Variants in SLCO3A1 observed in about 807,000 individuals in gnomAD.
The protein encoded by SLCO3A1 is PGE1 transporter.
SLCO3A1 carries 27 observed loss-of-function variants against 63.1 expected under a neutral mutation model. The ratio of observed to expected loss-of-function variants is 0.43; its 90% CI spans 0.32 to 0.59. The LOEUF is 0.59. SLCO3A1 is among the 20% of genes least tolerant of loss of function. The pLI is 0.09. For missense variants in SLCO3A1, 773 were observed against 945.8 expected (o/e 0.82, Z 2.40); for synonymous variants, 473 against 409.9 (o/e 1.15, Z -1.86).
At chr15:91,866,668 G>C (rs1897174023) in intron 1 of SLCO3A1, among the ~76,000 whole-genome samples, 1 of 151,824 alleles carries the variant, frequency 6.6e-6, no homozygotes, top group African/African-American at 2.4e-5. Context: ...GAGCAATATA[G>C]AGTTGAGTAA....
intron 1 of SLCO3A1, among the ~76,000 whole-genome samples, chr15:91,903,942 G>C (rs1379735559): frequency 6.6e-6 from 1 of 151,018 alleles, no homozygotes; most frequent in African/African-American, 2.4e-5. Context: ...AGAGGGCAGG[G>C]GTGGAGCCGG....
intron 7 of SLCO3A1, among the ~76,000 whole-genome samples, chr15:92,139,569 A>G (rs1423770699): frequency 1.3e-5 from 2 of 151,870 alleles, no homozygotes; most frequent in East Asian, 3.9e-4. Flanking sequence ...TCCTCCTTGT[A>G]CCTCTGGTAG....
At position 91,999,427 on chromosome 15, in the gene SLCO3A1, G is replaced by A. The variant is rs138876179; in HGVS notation, c.646+82969G>A. On this transcript the variant is annotated intron_variant, in intron 2 of 9. Coordinates refer to ENST00000318445, the MANE Select transcript of SLCO3A1 (RefSeq NM_013272.4). ...AAAAAAGGCTATGCCATAGAAAAAT[G>A]GGTATAAAATAGGAAGAGGGAGAAA... Among the ~76,000 whole-genome samples, 34 of 152,306 alleles carry A rather than the reference G, an allele frequency of 2.2e-4. 1 individual carries two copies. The East Asian group carries it at 6.0e-3, about 27-fold the overall frequency.
At chr15:92,040,660 G>A (rs1470126989) in intron 2 of SLCO3A1, among the ~76,000 whole-genome samples, 2 of 152,122 alleles carry the variant, frequency 1.3e-5, no homozygotes, top group African/African-American at 2.4e-5. Context: ...AGCACGTGGT[G>A]TATACCTGGA....
intron 3 of SLCO3A1, among the ~76,000 whole-genome samples, chr15:92,100,646 A>G (rs1039865798): frequency 1.3e-5 from 2 of 152,236 alleles, no homozygotes; most frequent in Non-Finnish European, 2.9e-5. Flanking sequence ...ACTTTTATCT[A>G]AAACAATACT....
At chr15:91,943,145 C>T (rs959177904) in intron 2 of SLCO3A1, among the ~76,000 whole-genome samples, 4 of 152,180 alleles carry the variant, frequency 2.6e-5, no homozygotes, top group African/African-American at 9.7e-5. Context: ...AAGTGTGCAG[C>T]CTAGTAGTGT....
intron 2 of SLCO3A1, among the ~76,000 whole-genome samples, chr15:92,047,736 A>T (rs1003611758): frequency 2.1e-5 from 3 of 145,836 alleles, no homozygotes; most frequent in Admixed American, 7.4e-5. Context: ...TGTGATTCGA[A>T]TCGTTCATCC....
intron 1 of SLCO3A1, among the ~76,000 whole-genome samples, chr15:91,870,969 T>G (rs1597074518): frequency 1.3e-5 from 2 of 152,116 alleles, no homozygotes; most frequent in Non-Finnish European, 2.9e-5. Flanking sequence ...TTTTGGGGGG[T>G]ATCTTTCTCT....
intron 2 of SLCO3A1, among the ~76,000 whole-genome samples, chr15:92,020,187 T>C (rs7178228): frequency 0.15 from 22,094 of 152,082 alleles, 2,088 homozygotes; most frequent in South Asian, 0.36. Context: ...GTATATGCGA[T>C]GTGTGCATGT....
At chr15:92,054,964 C>A (rs1341070233) in intron 2 of SLCO3A1, among the ~76,000 whole-genome samples, 2 of 152,210 alleles carry the variant, frequency 1.3e-5, no homozygotes, top group South Asian at 4.1e-4. Flanking sequence ...TGGGTATATA[C>A]CCAGTAATGG....
intron 1 of SLCO3A1, among the ~76,000 whole-genome samples, chr15:91,861,923 A>G (rs186178224): frequency 6.7e-4 from 82 of 123,018 alleles, no homozygotes; most frequent in Admixed American, 2.3e-3. Context: ...TACAGGTGTG[A>G]GCCACGGTGC....
At chr15:91,911,517 A>T (rs1898484271) in intron 1 of SLCO3A1, among the ~76,000 whole-genome samples, 2 of 152,144 alleles carry the variant, frequency 1.3e-5, no homozygotes, top group African/African-American at 4.8e-5. Flanking sequence ...TTCTAGAATG[A>T]TGGTGAGTAT....
chr15:91,887,286 G>C (rs1318571191), intron 1 of SLCO3A1, among the ~76,000 whole-genome samples: 3 of 152,072 alleles, frequency 2.0e-5, no homozygotes, highest in African/African-American at 7.2e-5. Flanking sequence ...ATTTTCCCCA[G>C]AGGGCAGAAT....
At chr15:91,889,017 AAAAG>A (rs891156613) in intron 1 of SLCO3A1, 26 of 477,356 alleles carry the variant, frequency 5.4e-5, no homozygotes, top group African/African-American at 1.7e-4. Flanking sequence ...CTAAAAAAAA[AAAAG>A]AAAAGAAAAA....
At position 92,059,932 on chromosome 15, in the gene SLCO3A1, G is replaced by A. The variant is rs375058998; in HGVS notation, c.647-34949G>A. Among the ~76,000 whole-genome samples, 184 of 152,260 alleles carry A rather than the reference G, an allele frequency of 1.2e-3. 1 individual carries two copies. The highest frequency in any genetic ancestry group is 4.1e-3 in the African/African-American group (171 of 41,548). ...ACAAACTCAGATGGTGTATCCTACC[G>A]TACACCTAGGCTATAGGGTGTAGCC... On this transcript the variant is annotated intron_variant, in intron 2 of 9. Transcript: ENST00000318445.
intron 2 of SLCO3A1, among the ~76,000 whole-genome samples, chr15:92,076,799 G>A (rs944290409): frequency 6.6e-6 from 1 of 152,198 alleles, no homozygotes; most frequent in African/African-American, 2.4e-5. Flanking sequence ...CAGGAAGCCT[G>A]TGAGGGTTTA....
chr15:91,986,842 A>T (rs1159019458), intron 2 of SLCO3A1, among the ~76,000 whole-genome samples: 1 of 152,222 alleles, frequency 6.6e-6, no homozygotes, highest in Non-Finnish European at 1.5e-5. Context: ...AACATATTTT[A>T]AGTTTGTTAG....
chr15:92,034,356 G>GA (rs2046696364), intron 2 of SLCO3A1, among the ~76,000 whole-genome samples: 1 of 89,780 alleles, frequency 1.1e-5, no homozygotes, highest in Non-Finnish European at 2.1e-5. Flanking sequence ...AGGCTGGGGT[G>GA]GGGTGTTTGG....
intron 2 of SLCO3A1, among the ~76,000 whole-genome samples, chr15:92,001,206 G>A (rs1373612441): frequency 2.7e-5 from 4 of 148,814 alleles, no homozygotes; most frequent in African/African-American, 7.4e-5. Context: ...AGGACCAGGT[G>A]GGTGGGCGGG....
Sources: gnomAD v4.1 joint callset for allele counts (sites outside exome capture counted in the v4.1 genomes callset) on GRCh38, gnomAD v4.1.1 for gene constraint, MANE v1.5 for transcripts, NCBI Gene and HGNC (gene_info 2026-07-23, HGNC 2026-07-21) for gene names.